The following EHHADH variants were observed in gnomAD, a reference collection of about 807,000 sequenced individuals.
The protein encoded by EHHADH is enoyl-CoA hydratase and 3-hydroxyacyl CoA dehydrogenase.
EHHADH carries 48 observed loss-of-function variants against 64.4 expected under a neutral mutation model. The ratio of observed to expected loss-of-function variants is 0.75; its 90% CI spans 0.59 to 0.95. The LOEUF (loss-of-function observed/expected upper bound fraction) is 0.95. Among genes scored for constraint, EHHADH ranks in the 40% least tolerant of loss-of-function variants. The probability of loss-of-function intolerance (pLI) is 0.00; values close to 1 mark genes in which losing one functional copy is unlikely to be tolerated. For synonymous variants in EHHADH, 308 were observed against 326.7 expected, an observed-to-expected ratio of 0.94 and a Z score of 0.62; for missense variants, 854 against 876.6, an observed-to-expected ratio of 0.97 and a Z score of 0.33.
intron 5 of EHHADH, among the ~76,000 whole-genome samples, chr3:185,211,368 G>A (rs1389140967): frequency 6.6e-6 from 1 of 152,074 alleles, no homozygotes; most frequent in Non-Finnish European, 1.5e-5. Context: ...TTTTTTCTTA[G>A]TTCTATGAGG....
intron 2 of EHHADH, chr3:185,245,665 T>G: frequency 1.4e-6 from 1 of 720,060 alleles, no homozygotes; most frequent in South Asian, 1.5e-5. Context: ...TTTCTATCTG[T>G]TTTTGTTGGA....
intron 1 of EHHADH, among the ~76,000 whole-genome samples, chr3:185,252,139 T>C (rs527807324): frequency 1.3e-5 from 2 of 152,262 alleles, no homozygotes; most frequent in East Asian, 1.9e-4. Flanking sequence ...ACGTGGCTCA[T>C]GCCTGTAATC....
chr3:185,246,024 T>TCTCTAGTAGTTCATCCTC (rs1445916663), intron 2 of EHHADH: 5 of 1,331,324 alleles, frequency 3.8e-6, no homozygotes, highest in Non-Finnish European at 4.3e-6. Context: ...GCTTCATCTT[T>TCTCTAGTAGTTCATCCTC]CTCTAGTAGT....
At chr3:185,223,138 A>G (rs1443135905) in intron 4 of EHHADH, among the ~76,000 whole-genome samples, 1 of 152,214 alleles carries the variant, frequency 6.6e-6, no homozygotes, top group Non-Finnish European at 1.5e-5. Flanking sequence ...TATTATTCAA[A>G]GCAGAGACCT....
chr3:185,204,347 C>A, intron 6 of EHHADH, 69 bp downstream of exon 6: 1 of 1,405,510 alleles, frequency 7.1e-7, no homozygotes. Context: ...CATCCGGTAG[C>A]CCTAAGCAAA....
At chr3:185,194,799 T>C (rs1718011149) in intron 6 of EHHADH, among the ~76,000 whole-genome samples, 2 of 1,814 alleles carry the variant, frequency 1.1e-3, no homozygotes, top group Non-Finnish European at 3.4e-3. Context: ...AGACCCTGTC[T>C]CAAAAAAAAA....
At chr3:185,229,030 A>C (rs781179292) in intron 4 of EHHADH, among the ~76,000 whole-genome samples, 1 of 152,106 alleles carries the variant, frequency 6.6e-6, no homozygotes, top group Non-Finnish European at 1.5e-5. Context: ...TCCTGACCTC[A>C]AGTGATCTGC....
At chr3:185,198,530 C>T (rs1217344448) in intron 6 of EHHADH, among the ~76,000 whole-genome samples, 2 of 151,840 alleles carry the variant, frequency 1.3e-5, no homozygotes, top group African/African-American at 4.8e-5. Context: ...CGCAGCTGTA[C>T]CATTTTACAT....
chr3:185,235,239 C>A, intron 3 of EHHADH, 51 bp downstream of exon 3: 1 of 1,497,782 alleles, frequency 6.7e-7, no homozygotes, highest in Non-Finnish European at 8.9e-7. Context: ...TAGAGTTTGC[C>A]CTAAAGAAAA....
Position 185,248,636 on chromosome 3 carries a change from A to C in EHHADH, c.75-119T>G, listed in dbSNP as rs6807936. 0.021 allele frequency: 13,886 copies of C among 648,886 alleles called. 1,338 individuals carry two copies. Among genetic ancestry groups the C allele is most frequent in the African/African-American group, 0.21 (11,639 of 54,788 alleles). 40.2% of individuals were successfully genotyped at this position (648,886 alleles called of 1,614,324 possible). A position where few individuals can be genotyped will look rare whatever the true frequency, so the allele number is the denominator to read the frequency against. Reference sequence around the variant, plus strand: ...CACACATAATGGATAAAAACTGTAGATACTTCTCAATAAAGCTTCCAACAA... The same window carrying C: ...CACACATAATGGATAAAAACTGTAGCTACTTCTCAATAAAGCTTCCAACAA... On this transcript the variant is annotated intron_variant, in intron 1 of 6. Coordinates refer to ENST00000231887, the MANE Select transcript of EHHADH (RefSeq NM_001966.4).
At chr3:185,218,727 TA>T (rs989044774) in intron 4 of EHHADH, among the ~76,000 whole-genome samples, 535 of 143,386 alleles carry the variant, frequency 3.7e-3, no homozygotes, top group Non-Finnish European at 3.7e-3. Flanking sequence ...TGTGGATGGT[TA>T]AAAAAAAAAA....
At chr3:185,204,815 G>T in intron 5 of EHHADH, 58 bp from the exon 6 acceptor site, 1 of 1,369,522 alleles carries the variant, frequency 7.3e-7, no homozygotes, top group South Asian at 1.4e-5. Flanking sequence ...AAGGGAATGT[G>T]AATATATAGT....
At chr3:185,218,440 A>G (rs1299379372) in intron 4 of EHHADH, among the ~76,000 whole-genome samples, 200 bp from the exon 5 acceptor site, 1 of 152,106 alleles carries the variant, frequency 6.6e-6, no homozygotes, top group Non-Finnish European at 1.5e-5. Flanking sequence ...TTCAAGCTCC[A>G]GCTCTAGTTT....
At position 185,193,308 on chromosome 3, in the gene EHHADH, T is replaced by C. The variant is rs1327316033; in HGVS notation, c.1090A>G (p.Arg364Gly). The change falls in exon 7 of 7, where the codon AGG (arginine) becomes GGG (glycine). Residue 364 changes from arginine to glycine, a missense_variant. Arg to Gly is a moderately radical substitution (Grantham distance 125). Coordinates refer to ENST00000231887, the MANE Select transcript of EHHADH (RefSeq NM_001966.4). Reference sequence around the variant, plus strand: ...AGCTCCTTCACAGATGAAGTTAACCTGGGTTTTGGTCCTGACCAAGGGTGG... The same window carrying C: ...AGCTCCTTCACAGATGAAGTTAACCCGGGTTTTGGTCCTGACCAAGGGTGG... ...SGHPWSGPKPRLTSSVKELGG... is the reference protein window; with the variant it reads ...SGHPWSGPKPGLTSSVKELGG... 2 of 1,610,120 alleles carry C rather than the reference T, an allele frequency of 1.2e-6. No homozygotes were observed. The highest frequency in any genetic ancestry group is 1.3e-5 in the African/African-American group (1 of 74,730).
chr3:185,203,571 A>T (rs1464840535), intron 6 of EHHADH, among the ~76,000 whole-genome samples: 2 of 152,190 alleles, frequency 1.3e-5, no homozygotes, highest in Non-Finnish European at 2.9e-5. Context: ...AGAGAAGCCA[A>T]TCAGGGAGCT....
intron 4 of EHHADH, chr3:185,226,986 A>G (rs2108642602): frequency 6.6e-6 from 1 of 152,360 alleles, no homozygotes; most frequent in Non-Finnish European, 1.5e-5. Flanking sequence ...TCACTGCTAT[A>G]GGCCTAATGC....
chr3:185,218,296 G>A, intron 4 of EHHADH, 56 bp from the exon 5 acceptor site: 5 of 1,259,406 alleles, frequency 4.0e-6, no homozygotes, highest in Non-Finnish European at 1.1e-6. Context: ...TAAGATTAAA[G>A]CAAAAGCATT....
intron 5 of EHHADH, among the ~76,000 whole-genome samples, chr3:185,206,913 C>T (rs1052828313): frequency 6.6e-6 from 1 of 151,554 alleles, no homozygotes; most frequent in Non-Finnish European, 1.5e-5. Context: ...ACACCCCCCC[C>T]ACCAAATGTT....
chr3:185,228,355 C>T (rs1719060324), intron 4 of EHHADH, among the ~76,000 whole-genome samples: 2 of 145,714 alleles, frequency 1.4e-5, no homozygotes, highest in African/African-American at 5.0e-5. Flanking sequence ...GTAGTGTTCA[C>T]ATTCTCTATT....
Sources: gnomAD v4.1 joint callset for allele counts (sites outside exome capture counted in the v4.1 genomes callset) on GRCh38, gnomAD v4.1.1 for gene constraint, MANE v1.5 for transcripts, NCBI Gene and HGNC (gene_info 2026-07-23, HGNC 2026-07-21) for gene names.